LAMA2: variants seen among roughly 807,000 people sequenced by gnomAD.
LAMA2 encodes laminin subunit alpha 2, also known as laminin subunit alpha-2.
In LAMA2, 269 loss-of-function variants were observed where a neutral mutation model predicts 364.8. The ratio of observed to expected loss-of-function variants is 0.74; its 90% CI spans 0.67 to 0.82. The LOEUF (loss-of-function observed/expected upper bound fraction) is 0.82, where lower values mean the gene tolerates loss of function less well. LAMA2 is among the 40% of genes least tolerant of loss of function. The pLI, the probability that LAMA2 is intolerant of heterozygous loss-of-function variation, is 0.00. For synonymous variants in LAMA2, 1,379 were observed against 1,370.6 expected (o/e 1.01, Z -0.14); for missense variants, 3,807 against 3,873.2 (o/e 0.98, Z 0.45).
At chr6:128,940,856 T>C (rs1780108124) in intron 1 of LAMA2, among the ~76,000 whole-genome samples, 1 of 152,082 alleles carries the variant, frequency 6.6e-6, no homozygotes, top group Admixed American at 6.6e-5. Context: ...AAGGCTGAAG[T>C]GGGAGGATTG....
intron 57 of LAMA2, 112 bp downstream of exon 57, chr6:129,492,189 G>A (rs1202930517): frequency 2.9e-6 from 4 of 1,402,788 alleles, no homozygotes; most frequent in Middle Eastern, 3.8e-4. Context: ...GGGAAACAAT[G>A]AGGATCTTCA....
Position 129,256,789 on chromosome 6 carries a change from T to TATAC in LAMA2, c.2097-3919_2097-3918insCATA, listed in dbSNP as rs1786719570. Reference sequence around the variant, plus strand: ...ATATATATATATATATATATATATATATATATATATAGTGGGTAGAAAAAA... The same window carrying TATAC: ...ATATATATATATATATATATATATATATACATATATATATAGTGGGTAGAAAAAA... On this transcript the variant is annotated intron_variant, in intron 14 of 64. Transcript: ENST00000421865. Among the ~76,000 whole-genome samples the TATAC allele has an allele frequency of 1.5e-5, 2 of 134,896 alleles. 1 individual carries two copies. The highest frequency in any genetic ancestry group is 4.5e-4 in the South Asian group (2 of 4,452). 88.5% of individuals were successfully genotyped at this position (134,896 alleles called of 152,430 possible).
chr6:129,388,480 C>T (rs536804659), intron 35 of LAMA2, among the ~76,000 whole-genome samples: 1 of 152,192 alleles, frequency 6.6e-6, no homozygotes, highest in Non-Finnish European at 1.5e-5. Flanking sequence ...GCCATATTTG[C>T]CTTTTCCCTT....
chr6:128,978,149 A>G (rs1052649772), intron 1 of LAMA2, among the ~76,000 whole-genome samples: 1 of 152,140 alleles, frequency 6.6e-6, no homozygotes, highest in African/African-American at 2.4e-5. Context: ...CTGTTAACCA[A>G]ATGCTTTTGA....
intron 1 of LAMA2, among the ~76,000 whole-genome samples, chr6:128,907,479 G>C (rs1777567791): frequency 6.6e-6 from 1 of 152,140 alleles, no homozygotes; most frequent in African/African-American, 2.4e-5. Flanking sequence ...TTTGCACATT[G>C]ATTTTGTATC....
chr6:129,121,361 TACAG>T (rs1776797061), intron 4 of LAMA2, among the ~76,000 whole-genome samples: 2 of 152,212 alleles, frequency 1.3e-5, no homozygotes, highest in African/African-American at 2.4e-5. Flanking sequence ...CAATTTTTAT[TACAG>T]ACAGACTCTC....
At chr6:129,377,108 G>A (rs1474641980) in intron 34 of LAMA2, among the ~76,000 whole-genome samples, 1 of 151,956 alleles carries the variant, frequency 6.6e-6, no homozygotes, top group African/African-American at 2.4e-5. Flanking sequence ...TGAATATTTT[G>A]TTTTCATTGA....
intron 45 of LAMA2, among the ~76,000 whole-genome samples, chr6:129,447,135 G>A (rs549650356): frequency 5.9e-5 from 9 of 152,202 alleles, no homozygotes; most frequent in Non-Finnish European, 1.0e-4. Flanking sequence ...GTTACTTTCC[G>A]TAAGGTACAC....
chr6:129,009,913 G>A (rs963028744), intron 1 of LAMA2, among the ~76,000 whole-genome samples: 4 of 152,108 alleles, frequency 2.6e-5, no homozygotes, highest in African/African-American at 9.7e-5. Flanking sequence ...TGCTTTTGAA[G>A]GATATTAAAG....
At chr6:129,033,831 C>A (rs1786409379) in intron 1 of LAMA2, among the ~76,000 whole-genome samples, 1 of 151,820 alleles carries the variant, frequency 6.6e-6, no homozygotes, top group Non-Finnish European at 1.5e-5. Context: ...CAACTGCCAC[C>A]CCCTCTATGA....
chr6:128,923,713 C>A (rs913199189), intron 1 of LAMA2, among the ~76,000 whole-genome samples: 1 of 152,094 alleles, frequency 6.6e-6, no homozygotes, highest in Non-Finnish European at 1.5e-5. Flanking sequence ...CTGTAGTAGT[C>A]TGATTGATGC....
chr6:129,259,388 G>T (rs921770822), intron 14 of LAMA2, among the ~76,000 whole-genome samples: 1 of 152,024 alleles, frequency 6.6e-6, no homozygotes, highest in African/African-American at 2.4e-5. Flanking sequence ...ACTGAAAAAT[G>T]CAGGCCATAG....
intron 60 of LAMA2, among the ~76,000 whole-genome samples, chr6:129,503,870 A>G (rs1785842971): frequency 6.6e-6 from 1 of 152,222 alleles, no homozygotes; most frequent in Non-Finnish European, 1.5e-5. Flanking sequence ...GAACAACTTT[A>G]AAAACGTTGG....
At chr6:129,412,397 C>T (rs1453651270) in intron 40 of LAMA2, among the ~76,000 whole-genome samples, 1 of 152,122 alleles carries the variant, frequency 6.6e-6, no homozygotes, top group East Asian at 1.9e-4. Context: ...ACAGCAACAT[C>T]TAGACTGCTG....
intron 1 of LAMA2, among the ~76,000 whole-genome samples, chr6:128,990,544 C>T (rs77194646): frequency 0.01 from 1,564 of 152,300 alleles, 10 homozygotes; most frequent in Non-Finnish European, 0.016. Context: ...GAGGTAATAG[C>T]GCCCTATAGA....
At chr6:128,960,472 C>T (rs1413454850) in intron 1 of LAMA2, among the ~76,000 whole-genome samples, 4 of 150,910 alleles carry the variant, frequency 2.7e-5, no homozygotes, top group South Asian at 2.1e-4. Context: ...ACCCCGCCCC[C>T]GCCGACCCCC....
Position 129,316,032 on chromosome 6 carries a change from T to A in LAMA2, c.3925-6T>A, listed in dbSNP as rs372612467. ...TTGTCATAGTGATTTCTCTTCTTGTTAACAGAAAGAATGGAAATATTATGG... is the reference window on the plus strand; with the variant it reads ...TTGTCATAGTGATTTCTCTTCTTGTAAACAGAAAGAATGGAAATATTATGG... On this transcript the variant is annotated splice_region_variant and splice_polypyrimidine_tract_variant and intron_variant, in intron 26 of 64. Transcript: ENST00000421865. 679 of 1,614,066 alleles carry A rather than the reference T, an allele frequency of 4.2e-4. 7 individuals are homozygous for A. The South Asian group carries it at 7.2e-3, about 17-fold the overall frequency.
chr6:129,037,859 C>T (rs959464238), intron 1 of LAMA2, among the ~76,000 whole-genome samples: 1 of 151,974 alleles, frequency 6.6e-6, no homozygotes, highest in Admixed American at 6.6e-5. Context: ...TTAGTAGAGA[C>T]AGGGTTTCAC....
intron 4 of LAMA2, among the ~76,000 whole-genome samples, chr6:129,125,175 T>C (rs1470728729): frequency 2.6e-5 from 4 of 151,986 alleles, no homozygotes; most frequent in South Asian, 2.1e-4. Flanking sequence ...AAGGGAAGGA[T>C]TGAGTTGCTT....
Sources: allele counts gnomAD v4.1 joint callset (sites outside exome capture counted in the v4.1 genomes callset), GRCh38; gene constraint gnomAD v4.1.1; transcripts MANE v1.5; gene names NCBI Gene and HGNC (gene_info 2026-07-23, HGNC 2026-07-21).